EXT1: variants seen among roughly 807,000 people sequenced by gnomAD.
EXT1 encodes exostosin glycosyltransferase 1.
In EXT1, 20 loss-of-function variants were observed where a neutral mutation model predicts 82.5. The observed-to-expected ratio is 0.24, with a 90% CI of 0.17 to 0.35. EXT1 has a LOEUF of 0.35. EXT1 is among the 10% of genes least tolerant of loss of function. The pLI, the probability that EXT1 is intolerant of heterozygous loss-of-function variation, is 1.00. For missense variants in EXT1, 757 were observed against 936.5 expected (o/e 0.81, Z 2.50); for synonymous variants, 348 against 350.8 (o/e 0.99, Z 0.09).
chr8:118,082,092 T>C (rs1235524396), intron 1 of EXT1, among the ~76,000 whole-genome samples: 1 of 152,200 alleles, frequency 6.6e-6, no homozygotes, highest in African/African-American at 2.4e-5. Context: ...AATTTCCCGT[T>C]ATTTTAAAAC....
rs762841739 is a variant in EXT1, at chr8:117,804,800, G to T, written c.1977C>A (p.Phe659Leu). The change falls in exon 10 of 11, where the codon TTC (phenylalanine) becomes TTA (leucine). Residue 659 changes from phenylalanine (F) to leucine (L), a missense_variant. By Grantham distance (22) the Phe-to-Leu change is conservative (BLOSUM62 0). Around this residue, in one of 4 missense-constraint regions of EXT1, gnomAD observed 128 missense variants for 223.2 expected, o/e 0.57. Transcript: ENST00000378204. ...GCAATTTTGTCACAGCAGACACCAG[G>T]AAGTTCATGAGAATGTCCTCACAAT... Reference protein sequence around the residue: ...LANCEDILMNFLVSAVTKLPP... With the variant: ...LANCEDILMNLLVSAVTKLPP... The T allele has an allele frequency of 1.2e-6, 2 of 1,614,112 alleles. No homozygotes were observed. The highest frequency in any genetic ancestry group is 1.7e-6 in the Non-Finnish European group (2 of 1,179,990).
At chr8:117,943,901 C>A (rs556276458) in intron 1 of EXT1, among the ~76,000 whole-genome samples, 73 of 152,298 alleles carry the variant, frequency 4.8e-4, no homozygotes, top group African/African-American at 1.6e-3. Flanking sequence ...AGGGCCCCAG[C>A]AGGTACTCCT....
At chr8:117,980,730 T>TTTTTTTTG (rs1211662873) in intron 1 of EXT1, among the ~76,000 whole-genome samples, 1 of 145,308 alleles carries the variant, frequency 6.9e-6, no homozygotes. Flanking sequence ...TTTTTTTTTT[T>TTTTTTTTG]TCCAGTGTGA....
At chr8:117,984,629 G>A (rs542938262) in intron 1 of EXT1, among the ~76,000 whole-genome samples, 20 of 152,180 alleles carry the variant, frequency 1.3e-4, no homozygotes, top group African/African-American at 2.9e-4. Context: ...GGGCTGAAGC[G>A]GGTTGAACAA....
intron 1 of EXT1, among the ~76,000 whole-genome samples, chr8:117,845,086 C>G (rs1812331685): frequency 6.6e-6 from 1 of 152,176 alleles, no homozygotes. Context: ...TCTTGGCTTT[C>G]CACAGAAGAG....
At chr8:118,074,360 A>T (rs1054596494) in intron 1 of EXT1, among the ~76,000 whole-genome samples, 8 of 152,146 alleles carry the variant, frequency 5.3e-5, no homozygotes, top group African/African-American at 1.4e-4. Context: ...AAGAGCCAGG[A>T]ATGCATCCGA....
At chr8:117,959,237 C>G (rs1216954197) in intron 1 of EXT1, among the ~76,000 whole-genome samples, 1 of 152,182 alleles carries the variant, frequency 6.6e-6, no homozygotes, top group East Asian at 1.9e-4. Context: ...CCGCAGGAGA[C>G]AGAACTCTCC....
At chr8:118,088,015 G>A (rs1817455277) in intron 1 of EXT1, among the ~76,000 whole-genome samples, 1 of 151,378 alleles carries the variant, frequency 6.6e-6, no homozygotes, top group Non-Finnish European at 1.5e-5. Context: ...AATGCACAAG[G>A]AGCACATAAA....
At chr8:118,011,143 C>A (rs1021983649) in intron 1 of EXT1, among the ~76,000 whole-genome samples, 1 of 152,214 alleles carries the variant, frequency 6.6e-6, no homozygotes, top group Non-Finnish European at 1.5e-5. Flanking sequence ...GCAAACGACA[C>A]CTCCTCAAAG....
chr8:117,973,844 AG>A (rs1170466308), intron 1 of EXT1, among the ~76,000 whole-genome samples: 35 of 138,310 alleles, frequency 2.5e-4, no homozygotes, highest in Admixed American at 1.3e-3. Flanking sequence ...AGGAAAGGAA[AG>A]GAAAGGAAAG....
chr8:118,065,174 A>G (rs1816956177), intron 1 of EXT1, among the ~76,000 whole-genome samples: 1 of 152,042 alleles, frequency 6.6e-6, no homozygotes, highest in Non-Finnish European at 1.5e-5. Flanking sequence ...TTTAGTGATC[A>G]CCATTCTAAC....
Position 117,799,354 on chromosome 8 carries a change from C to T in EXT1, c.*358G>A. The T allele has an allele frequency of 6.8e-6, 2 of 292,962 alleles. No homozygotes were observed. Among genetic ancestry groups the T allele is most frequent in the Non-Finnish European group, 1.3e-5 (2 of 153,260 alleles). The allele number at this position is 292,962 out of a possible 1,614,324, so 18.1% of individuals were successfully genotyped here. Reference sequence around the variant, plus strand: ...AATAGCAGCTTTGAAATATTCACAACCAACACAATTTTGATTAAACAAAGA... The same window carrying T: ...AATAGCAGCTTTGAAATATTCACAATCAACACAATTTTGATTAAACAAAGA... On this transcript the variant is annotated 3_prime_UTR_variant, in exon 11 of 11. Transcript: ENST00000378204.
chr8:118,048,230 C>T (rs754951183), intron 1 of EXT1, among the ~76,000 whole-genome samples: 156 of 152,256 alleles, frequency 1.0e-3, no homozygotes, highest in Middle Eastern at 6.8e-3. Context: ...AGTGACCTCT[C>T]CATTTTGCAG....
Position 117,812,669 on chromosome 8 carries a change from C to T in EXT1, c.1722+203G>A, listed in dbSNP as rs945134371. Reference sequence around the variant, plus strand: ...ATGAGGAGCCAATTAGCAGAGACAACAAAGGGGAGATGCCCGCCTCAGAGT... The same window carrying T: ...ATGAGGAGCCAATTAGCAGAGACAATAAAGGGGAGATGCCCGCCTCAGAGT... On this transcript the variant is annotated intron_variant, in intron 8 of 10. Coordinates refer to ENST00000378204, the MANE Select transcript of EXT1 (RefSeq NM_000127.3). Among the ~76,000 whole-genome samples the T allele has an allele frequency of 3.3e-5, 5 of 152,206 alleles. No individual in the cohort carries two copies. In the Middle Eastern group the frequency reaches 0.014, roughly 414 times the overall value.
chr8:118,111,416 AAGT>A lies in EXT1; in HGVS notation c.-373_-371del. ...CCGATACCCAATCAATGGCAAGACG[AAGT>A]GATTGCCTTGCCTCTCGGATTCCTC... On this transcript the variant is annotated 5_prime_UTR_variant, in exon 1 of 11. Coordinates refer to ENST00000378204, the MANE Select transcript of EXT1 (RefSeq NM_000127.3). 1.8e-6 allele frequency: 1 copy of A among 543,564 alleles called. No individual in the cohort carries two copies. Among genetic ancestry groups the A allele is most frequent in the South Asian group, 2.8e-5 (1 of 36,104 alleles). The allele number at this position is 543,564 out of a possible 1,614,324, so 33.7% of individuals were successfully genotyped here.
At chr8:118,071,723 T>C (rs1817098479) in intron 1 of EXT1, among the ~76,000 whole-genome samples, 1 of 152,170 alleles carries the variant, frequency 6.6e-6, no homozygotes, top group African/African-American at 2.4e-5. Context: ...CTGCACTTGG[T>C]ACTGGAGTTT....
At chr8:117,819,603 AC>A in intron 6 of EXT1, 72 bp downstream of exon 6, 1 of 1,292,148 alleles carries the variant, frequency 7.7e-7, no homozygotes, top group Non-Finnish European at 1.1e-6. Flanking sequence ...CCGGGGGATA[AC>A]AGGTAAGGAG....
chr8:117,969,308 T>G (rs1814892231), intron 1 of EXT1, among the ~76,000 whole-genome samples: 1 of 152,222 alleles, frequency 6.6e-6, no homozygotes, highest in African/African-American at 2.4e-5. Flanking sequence ...GAATTTAATA[T>G]TTCTTAACGG....
rs1436463800 is a variant in EXT1 at position 117,830,316 on chromosome 8, T to C, written c.1198A>G (p.Lys400Glu). The C allele has an allele frequency of 6.2e-7, 1 of 1,614,088 alleles. No individual in the cohort carries two copies. The highest frequency in any genetic ancestry group is 1.1e-5 in the South Asian group (1 of 91,084). The change falls in exon 4 of 11, where the codon AAA (lysine) becomes GAA (glutamate). Residue 400 changes from lysine to glutamate, a missense_variant. This residue lies in a region of EXT1 where 207 missense variants were observed against 224.2 expected (regional missense o/e 0.92). Coordinates refer to ENST00000378204, the MANE Select transcript of EXT1 (RefSeq NM_000127.3). ...GTCTGCTGTCTAAGTGCTAGGATTT[T>C]ATCCTGATGAATAGACCTGATTGTA... Reference protein sequence around the residue: ...PSTIRSIHQDKILALRQQTQF... With the variant: ...PSTIRSIHQDEILALRQQTQF...
Sources: gnomAD v4.1 joint callset for allele counts (sites outside exome capture counted in the v4.1 genomes callset) on GRCh38, gnomAD v4.1.1 for gene constraint, gnomAD v4.1.1 regional missense constraint, MANE v1.5 for transcripts, NCBI Gene and HGNC (gene_info 2026-07-23, HGNC 2026-07-21) for gene names.